Variants in SEZ6L2 observed in about 807,000 individuals in gnomAD.
SEZ6L2 encodes seizure related 6 homolog like 2.
A neutral mutation model predicts 97.0 loss-of-function variants in SEZ6L2; 44 were observed. The observed-to-expected ratio is 0.45, with a 90% CI of 0.36 to 0.58. The LOEUF (loss-of-function observed/expected upper bound fraction) is 0.58, where lower values mean the gene tolerates loss of function less well. Ranked by LOEUF, SEZ6L2 falls within the 20% of genes least tolerant of loss-of-function variation. The pLI is 0.00. For missense variants in SEZ6L2, 1,086 were observed against 1,233.3 expected, an observed-to-expected ratio of 0.88 and a Z score of 1.79; for synonymous variants, 543 against 546.1, an observed-to-expected ratio of 0.99 and a Z score of 0.08.
chr16:29,872,320 G>A (rs759339754), intron 16 of SEZ6L2, 37 bp from the exon 17 acceptor site: 36 of 1,595,280 alleles, frequency 2.3e-5, no homozygotes, highest in Non-Finnish European at 2.8e-5. Flanking sequence ...TTATCAACAG[G>A]TAAGCCCCTG....
chr16:29,892,543 G>A (rs893872310), intron 5 of SEZ6L2, among the ~76,000 whole-genome samples: 8 of 152,216 alleles, frequency 5.3e-5, no homozygotes, highest in African/African-American at 1.9e-4. Context: ...CCGATGAATA[G>A]GCACCTTTGC....
chr16:29,875,665 C>CTTTT (rs11443146), intron 12 of SEZ6L2, among the ~76,000 whole-genome samples: 16 of 121,022 alleles, frequency 1.3e-4, no homozygotes, highest in East Asian at 4.6e-4. Flanking sequence ...TTCTTTCTTT[C>CTTTT]TTTTTTTTTT....
At position 29,899,081 on chromosome 16, in the gene SEZ6L2, T is replaced by G; in HGVS notation, c.-62A>C. On this transcript the variant is annotated 5_prime_UTR_variant, in exon 1 of 18. Coordinates refer to ENST00000617533, the MANE Select transcript of SEZ6L2 (RefSeq NM_001243332.2). ...TAAGTAATCTGGCTGCCACCTTTCCTCCGTCTCCGTTTATCTTTCCCTTTA... is the reference window on the plus strand; with the variant it reads ...TAAGTAATCTGGCTGCCACCTTTCCGCCGTCTCCGTTTATCTTTCCCTTTA... 17 of 884,664 alleles carry G rather than the reference T, an allele frequency of 1.9e-5. No homozygotes were observed. Among genetic ancestry groups the G allele is most frequent in the Non-Finnish European group, 2.8e-5 (16 of 570,198 alleles). The allele number at this position is 884,664 out of a possible 1,614,324, so 54.8% of individuals were successfully genotyped here.
At position 29,876,921 on chromosome 16, in the gene SEZ6L2, G is replaced by C; in HGVS notation, c.1939C>G (p.Leu647Val). ...EVPRNDTCPE[L>V]PPPEWGWRTA... Reference sequence around the variant, plus strand: ...CTCCAGCCCCACTCCGGAGGTGGCAGCTCGGGGCACGTGTCGTTCCTCGGG... The same window carrying C: ...CTCCAGCCCCACTCCGGAGGTGGCACCTCGGGGCACGTGTCGTTCCTCGGG... The change falls in exon 12 of 18, where the codon CTG (leucine) becomes GTG (valine). Residue 647 changes from leucine (L) to valine (V), a missense_variant. Around this residue, in one of 2 missense-constraint regions of SEZ6L2, gnomAD observed 310 missense variants for 438.6 expected, o/e 0.71. Coordinates refer to ENST00000617533, the MANE Select transcript of SEZ6L2 (RefSeq NM_001243332.2). The surrounding 1 kb of genome is among the most constrained non-coding windows in gnomAD (Gnocchi z 6.5). The C allele has an allele frequency of 6.2e-7, 1 of 1,610,796 alleles. No individual in the cohort carries two copies. The highest frequency in any genetic ancestry group is 2.2e-5 in the East Asian group (1 of 44,778).
chr16:29,895,682 G>A, intron 4 of SEZ6L2, 39 bp downstream of exon 4: 2 of 1,592,806 alleles, frequency 1.3e-6, no homozygotes, highest in African/African-American at 1.3e-5. Flanking sequence ...AGAGGAAAAG[G>A]CTTGGAAGCT....
chr16:29,879,704 T>G (rs2067989781), intron 9 of SEZ6L2, among the ~76,000 whole-genome samples, 160 bp downstream of exon 9: 1 of 152,246 alleles, frequency 6.6e-6, no homozygotes. Flanking sequence ...CCAGCAGTTA[T>G]TCAGCTAAGA....
rs1252369740 is a variant in SEZ6L2 at position 29,871,625 on chromosome 16, CG to C, written c.*73del. The C allele has an allele frequency of 2.7e-6, 4 of 1,468,006 alleles. No individual in the cohort carries two copies. In the South Asian group the frequency reaches 3.6e-5, roughly 13 times the overall value. The allele number at this position is 1,468,006 out of a possible 1,614,324, so 90.9% of individuals were successfully genotyped here. A position where few individuals can be genotyped will look rare whatever the true frequency, so the allele number is the denominator to read the frequency against. On this transcript the variant is annotated 3_prime_UTR_variant, in exon 18 of 18. Coordinates refer to ENST00000617533, the MANE Select transcript of SEZ6L2 (RefSeq NM_001243332.2). ...AGGAGGGCAGCCAGGAGGCAGAGAC[CG>C]GGTCCCGTATTTCCCTCTGCCCGAA...
intron 5 of SEZ6L2, among the ~76,000 whole-genome samples, chr16:29,889,593 C>T (rs2068224443): frequency 6.7e-6 from 1 of 149,314 alleles, no homozygotes; most frequent in South Asian, 2.1e-4. Flanking sequence ...AGCTTCCATC[C>T]AGAAGAACCA....
intron 5 of SEZ6L2, among the ~76,000 whole-genome samples, chr16:29,894,768 A>G (rs150156848): frequency 6.6e-6 from 1 of 152,048 alleles, no homozygotes; most frequent in African/African-American, 2.4e-5. Context: ...GTGTGCACAG[A>G]TCTGTGAGTG....
At chr16:29,881,528 G>A (rs1354734053) in intron 8 of SEZ6L2, among the ~76,000 whole-genome samples, 2 of 151,474 alleles carry the variant, frequency 1.3e-5, no homozygotes, top group African/African-American at 4.8e-5. Flanking sequence ...AACATTTGTA[G>A]AGCATTTGAG....
intron 8 of SEZ6L2, among the ~76,000 whole-genome samples, chr16:29,883,762 T>G (rs1286618937): frequency 6.6e-6 from 1 of 151,892 alleles, no homozygotes; most frequent in Non-Finnish European, 1.5e-5. Flanking sequence ...TGAGATGCTG[T>G]CTCTACAAAA....
At chr16:29,890,001 C>T (rs976103935) in intron 5 of SEZ6L2, among the ~76,000 whole-genome samples, 5 of 151,250 alleles carry the variant, frequency 3.3e-5, no homozygotes, top group South Asian at 2.1e-4. Context: ...CTCCGTCTCC[C>T]GGGTTCAAGC....
intron 5 of SEZ6L2, 29 bp from the exon 6 acceptor site, chr16:29,888,754 G>T: frequency 6.3e-7 from 1 of 1,584,068 alleles, no homozygotes; most frequent in Non-Finnish European, 8.6e-7. Flanking sequence ...GGGTAGCAGG[G>T]CTCACTTTCC....
In SEZ6L2 at chr16:29,897,983, A is replaced by G; in HGVS notation, c.81T>C (p.Gly27=). ...LILLSCPWIQ[G]LPLKEEEILP... ...ATATCTCCTCCTCCTTCAGGGGCAG[A>G]CCTAGGAGGTGAAGTTGTGTGAGCT... The change falls in exon 2 of 18, where the codon GGT becomes GGC. Residue 27 remains glycine, a splice_region_variant and synonymous_variant. Coordinates refer to ENST00000617533, the MANE Select transcript of SEZ6L2 (RefSeq NM_001243332.2). 6.2e-7 allele frequency: 1 copy of G among 1,612,900 alleles called. No homozygotes were observed. The highest frequency in any genetic ancestry group is 8.5e-7 in the Non-Finnish European group (1 of 1,179,420).
At chr16:29,875,251 C>A (rs182541742) in intron 12 of SEZ6L2, among the ~76,000 whole-genome samples, 50 of 152,254 alleles carry the variant, frequency 3.3e-4, no homozygotes, top group African/African-American at 1.2e-3. Context: ...GGGCTCAGGG[C>A]GGTCAAAGGA....
rs754035345 is a variant in SEZ6L2 at position 29,873,481 on chromosome 16, C to A, written c.2297-50G>T. The A allele has an allele frequency of 6.2e-7, 1 of 1,613,882 alleles. No homozygotes were observed. The highest frequency in any genetic ancestry group is 8.5e-7 in the Non-Finnish European group (1 of 1,179,856). ...GCCAGCTGCACTACTGTGCACGGGG[C>A]AGACGGGCTCTCCCAGGGCTACCCA... On this transcript the variant is annotated intron_variant, in intron 13 of 17. Coordinates refer to ENST00000617533, the MANE Select transcript of SEZ6L2 (RefSeq NM_001243332.2). This position sits in a 1 kb window ranked among gnomAD's most constrained non-coding sequence, Gnocchi z 4.3.
intron 7 of SEZ6L2, among the ~76,000 whole-genome samples, chr16:29,887,299 G>C (rs2068163122): frequency 6.6e-6 from 1 of 151,362 alleles, no homozygotes. Flanking sequence ...CCTGAGGTGG[G>C]GACTTCTTTT....
chr16:29,885,937 A>G, intron 7 of SEZ6L2, 188 bp from the exon 8 acceptor site: 1 of 523,112 alleles, frequency 1.9e-6, no homozygotes, highest in Non-Finnish European at 3.3e-6. Context: ...AGACACTATT[A>G]TTATCCTTTA....
At chr16:29,884,543 G>C (rs1198787786) in intron 8 of SEZ6L2, among the ~76,000 whole-genome samples, 1 of 151,850 alleles carries the variant, frequency 6.6e-6, no homozygotes, top group Non-Finnish European at 1.5e-5. Flanking sequence ...AGTGAGCTGA[G>C]ATCGCGCCAC....
Sources: gnomAD v4.1 joint callset for allele counts (sites outside exome capture counted in the v4.1 genomes callset) on GRCh38, gnomAD v4.1.1 for gene constraint, gnomAD v4.1.1 regional missense constraint, Gnocchi (gnomAD v3.1) non-coding constraint, MANE v1.5 for transcripts, NCBI Gene and HGNC (gene_info 2026-07-23, HGNC 2026-07-21) for gene names.